AP3B2: variants seen among roughly 807,000 people sequenced by gnomAD.
AP3B2 encodes the protein AP-3 complex subunit beta-2.
In AP3B2, 50 loss-of-function variants were observed where a neutral mutation model predicts 126.9. That is an observed-to-expected ratio of 0.39 (90% CI 0.31 to 0.50). The LOEUF (loss-of-function observed/expected upper bound fraction) is 0.50, where lower values mean the gene tolerates loss of function less well. Among genes scored for constraint, AP3B2 ranks in the 20% least tolerant of loss-of-function variants. AP3B2 has a pLI of 0.79. For missense variants in AP3B2, 1,177 were observed against 1,426.4 expected, an observed-to-expected ratio of 0.83 and a Z score of 2.82; for synonymous variants, 541 against 565.0, an observed-to-expected ratio of 0.96 and a Z score of 0.60.
At chr15:82,676,987 G>A (rs1032347636) in intron 13 of AP3B2, among the ~76,000 whole-genome samples, 3 of 152,168 alleles carry the variant, frequency 2.0e-5, no homozygotes, top group African/African-American at 7.2e-5. Flanking sequence ...CAGCTTAGCA[G>A]TGCGATAGAA....
chr15:82,706,887 C>A (rs1305726298), intron 1 of AP3B2, among the ~76,000 whole-genome samples: 1 of 152,200 alleles, frequency 6.6e-6, no homozygotes, highest in East Asian at 1.9e-4. Context: ...GTTCAGGCCC[C>A]CTCCCTTCCC....
intron 1 of AP3B2, 172 bp from the exon 2 acceptor site, chr15:82,689,625 G>A (rs985324558): frequency 8.2e-6 from 5 of 612,398 alleles, no homozygotes; most frequent in African/African-American, 5.5e-5. Context: ...GGGGAAACAT[G>A]TGGCCAGCTA....
At chr15:82,668,186 C>T (rs1280873389) in intron 14 of AP3B2, among the ~76,000 whole-genome samples, 5 of 152,242 alleles carry the variant, frequency 3.3e-5, no homozygotes, top group African/African-American at 1.2e-4. Context: ...CTCTAGAGAG[C>T]CACTATGATT....
chr15:82,709,357 C>A (rs1011217598), intron 1 of AP3B2, among the ~76,000 whole-genome samples: 1 of 152,100 alleles, frequency 6.6e-6, no homozygotes, highest in Non-Finnish European at 1.5e-5. Context: ...GCTGGCCCAT[C>A]CCCCGCCAGC....
At position 82,662,181 on chromosome 15, in the gene AP3B2, T is replaced by C. The variant is rs527944374; in HGVS notation, c.2905A>G (p.Asn969Asp). 2.3e-5 allele frequency: 37 copies of C among 1,601,396 alleles called. 1 individual carries two copies. The Admixed American group carries it at 4.5e-4, about 19-fold the overall frequency. Residue 969 changes from asparagine to aspartate, a missense_variant, in exon 24 of 27, where the codon AAC becomes GAC. This residue lies in a region of AP3B2 where 587 missense variants were observed against 571.3 expected (regional missense o/e 1.03). Coordinates refer to ENST00000535359, the MANE Select transcript of AP3B2 (RefSeq NM_001278512.2). Reference sequence around the variant, plus strand: ...TTGGGCACATACCACAGCTGGAAGTTGGCTGCCTGGGTTGAGTCACAGAAA... The same window carrying C: ...TTGGGCACATACCACAGCTGGAAGTCGGCTGCCTGGGTTGAGTCACAGAAA... The part of the protein sequence containing the change: ...INFCDSTQAA[N>D]FQLCTQTRQF...
intron 1 of AP3B2, among the ~76,000 whole-genome samples, chr15:82,707,992 T>C (rs1234835534): frequency 6.6e-6 from 1 of 152,144 alleles, no homozygotes; most frequent in Admixed American, 6.5e-5. Context: ...CACTATTTTA[T>C]GTTATTTTTC....
At chr15:82,707,896 G>A (rs972879061) in intron 1 of AP3B2, among the ~76,000 whole-genome samples, 3 of 151,882 alleles carry the variant, frequency 2.0e-5, no homozygotes, top group African/African-American at 7.3e-5. Flanking sequence ...CCCCAATCCC[G>A]CTCGAAGCAG....
rs183856770 is a variant in AP3B2 at position 82,709,857 on chromosome 15, G to C, written c.-151C>G. 1 of 524,650 alleles carries C rather than the reference G, an allele frequency of 1.9e-6. No individual in the cohort carries two copies. Among genetic ancestry groups the C allele is most frequent in the East Asian group, 3.6e-5 (1 of 27,892 alleles). 32.5% of individuals were successfully genotyped at this position (524,650 alleles called of 1,614,324 possible). A position where few individuals can be genotyped will look rare whatever the true frequency, so the allele number is the denominator to read the frequency against. Reference sequence around the variant, plus strand: ...AGAGGCTGCAGTGTGCAGCGGCGGAGGCTGCGCGCGGATTTCTCAATCAGG... The same window carrying C: ...AGAGGCTGCAGTGTGCAGCGGCGGACGCTGCGCGCGGATTTCTCAATCAGG... On this transcript the variant is annotated 5_prime_UTR_variant, in exon 1 of 27. Coordinates refer to ENST00000535359, the MANE Select transcript of AP3B2 (RefSeq NM_001278512.2).
At chr15:82,683,056 T>TG (rs1876558758) in intron 4 of AP3B2, among the ~76,000 whole-genome samples, 2 of 80,282 alleles carry the variant, frequency 2.5e-5, no homozygotes, top group Non-Finnish European at 4.4e-5. Flanking sequence ...AGTTTTTTTT[T>TG]TTTTTTTTTT....
intron 21 of AP3B2, 129 bp from the exon 22 acceptor site, chr15:82,663,362 C>CG: frequency 1.0e-6 from 1 of 979,368 alleles, no homozygotes; most frequent in Non-Finnish European, 1.6e-6. Flanking sequence ...TGGAGGCTCT[C>CG]GCAAAATACC....
chr15:82,683,270 G>A (rs898046670), intron 4 of AP3B2, among the ~76,000 whole-genome samples: 6 of 151,846 alleles, frequency 4.0e-5, no homozygotes, highest in Non-Finnish European at 7.4e-5. Context: ...TGTTAGCCAG[G>A]ATGGTCTCGA....
chr15:82,697,186 T>C lies in AP3B2; in HGVS notation c.114-7733A>G, dbSNP rs531574583. Among the ~76,000 whole-genome samples the C allele has an allele frequency of 2.6e-5, 4 of 152,056 alleles. No individual in the cohort carries two copies. The East Asian group carries it at 7.7e-4, about 29-fold the overall frequency. The stretch of plus-strand genomic sequence containing the variant: ...CTCTACTAAAAAATTTAAAAAAAAT[T>C]AGCCGGGTGTGGTGGCGGGCGTCTG... On this transcript the variant is annotated intron_variant, in intron 1 of 26. Transcript: ENST00000535359.
chr15:82,688,800 C>T lies in AP3B2; in HGVS notation c.296G>A (p.Arg99His), dbSNP rs746124605. 5 of 1,612,908 alleles carry T rather than the reference C, an allele frequency of 3.1e-6. No individual in the cohort carries two copies. The highest frequency in any genetic ancestry group is 4.2e-6 in the Non-Finnish European group (5 of 1,179,488). ...CAGGTCTTGCTGCTCCTCAGCGTAG[C>T]GTACCAGGTACACATAGACAAGCTT... ...VKKLVYVYLV[R>H]YAEEQQDLAL... The change falls in exon 4 of 27, where the codon CGC becomes CAC. Residue 99 changes from arginine (R) to histidine (H), a missense_variant. Physicochemically the swap from Arg to His is conservative, Grantham distance 29. Transcript: ENST00000535359.
intron 14 of AP3B2, 25 bp downstream of exon 14, chr15:82,676,436 T>TG: frequency 2.5e-6 from 4 of 1,610,762 alleles, no homozygotes; most frequent in South Asian, 1.1e-5. Context: ...CCAGAGTATC[T>TG]GGGGGGTCAT....
intron 14 of AP3B2, 98 bp from the exon 15 acceptor site, chr15:82,667,031 C>A (rs1196548515): frequency 8.0e-7 from 1 of 1,255,060 alleles, no homozygotes; most frequent in East Asian, 2.4e-5. Context: ...GGCAGAACGT[C>A]TCCTCTCCCT....
intron 1 of AP3B2, among the ~76,000 whole-genome samples, chr15:82,695,990 TGA>T (rs1374147907): frequency 7.9e-5 from 12 of 152,198 alleles, no homozygotes; most frequent in Admixed American, 7.9e-4. Context: ...GCGGTGTGTA[TGA>T]GAGTAGGAGA....
intron 1 of AP3B2, among the ~76,000 whole-genome samples, chr15:82,691,366 T>G (rs1321867356): frequency 6.6e-6 from 1 of 152,226 alleles, no homozygotes; most frequent in South Asian, 2.1e-4. Context: ...CCAGTGATGA[T>G]GAGCATTTTT....
At chr15:82,661,478 G>C (rs1215943825) in intron 25 of AP3B2, among the ~76,000 whole-genome samples, 1 of 152,030 alleles carries the variant, frequency 6.6e-6, no homozygotes, top group Non-Finnish European at 1.5e-5. Context: ...TTTAAGTGTT[G>C]GGGGAGCAAT....
At chr15:82,697,977 G>C (rs1347195753) in intron 1 of AP3B2, 2 of 152,606 alleles carry the variant, frequency 1.3e-5, no homozygotes, top group African/African-American at 4.8e-5. Flanking sequence ...AGCACCGAGG[G>C]CCTAGGAAAA....
Sources: allele counts gnomAD v4.1 joint callset (sites outside exome capture counted in the v4.1 genomes callset), GRCh38; gene constraint gnomAD v4.1.1; regional missense constraint gnomAD v4.1.1; transcripts MANE v1.5; gene names NCBI Gene and HGNC (gene_info 2026-07-23, HGNC 2026-07-21).